CPQ: variants seen among roughly 807,000 people sequenced by gnomAD.
CPQ encodes the protein carboxypeptidase Q.
A neutral mutation model predicts 45.7 loss-of-function variants in CPQ; 37 were observed. The observed-to-expected ratio is 0.81, with a 90% confidence interval of 0.62 to 1.07. The LOEUF (loss-of-function observed/expected upper bound fraction) is 1.07. Ranked by LOEUF, CPQ falls within the 50% of genes least tolerant of loss-of-function variation. The pLI is 0.00. For missense variants in CPQ, 537 were observed against 572.9 expected, an observed-to-expected ratio of 0.94 and a Z score of 0.64; for synonymous variants, 186 against 205.8, an observed-to-expected ratio of 0.90 and a Z score of 0.82.
chr8:96,926,576 C>CTCTTCTTCTTCT (rs60745622), intron 4 of CPQ, among the ~76,000 whole-genome samples: 2,014 of 74,976 alleles, frequency 0.027, 78 homozygotes, highest in South Asian at 0.053. Context: ...CTTCCTCTTC[C>CTCTTCTTCTTCT]TCTTCTTCTT....
intron 1 of CPQ, among the ~76,000 whole-genome samples, chr8:96,673,804 G>A (rs1809036944): frequency 1.3e-5 from 2 of 152,118 alleles, no homozygotes; most frequent in South Asian, 2.1e-4. Flanking sequence ...GCTGTGGGTA[G>A]TGTGAACACT....
At chr8:96,831,226 G>A (rs963727146) in intron 2 of CPQ, among the ~76,000 whole-genome samples, 1 of 151,472 alleles carries the variant, frequency 6.6e-6, no homozygotes, top group Non-Finnish European at 1.5e-5. Context: ...AGTGGGTTAT[G>A]GGTATGTGTG....
intron 2 of CPQ, among the ~76,000 whole-genome samples, chr8:96,822,451 CCTATTTTTAATTTTTTAGCT>C (rs1252855369): frequency 6.6e-6 from 1 of 151,770 alleles, no homozygotes; most frequent in Non-Finnish European, 1.5e-5. Context: ...ATATGGTAGC[CCTATTTTTAATTTTTTAGCT>C]CTATTTTTAA....
chr8:97,099,631 T>A (rs537934806), intron 7 of CPQ, among the ~76,000 whole-genome samples: 1 of 152,240 alleles, frequency 6.6e-6, no homozygotes, highest in East Asian at 1.9e-4. Context: ...AAAGCAGCTC[T>A]AGTTATCCTC....
At chr8:96,968,432 T>G (rs946879613) in intron 5 of CPQ, among the ~76,000 whole-genome samples, 1 of 152,228 alleles carries the variant, frequency 6.6e-6, no homozygotes, top group Non-Finnish European at 1.5e-5. Flanking sequence ...AGGTTCAGCA[T>G]GTGATGTGTA....
intron 7 of CPQ, among the ~76,000 whole-genome samples, chr8:97,070,723 C>G (rs1810726084): frequency 6.6e-6 from 1 of 152,144 alleles, no homozygotes; most frequent in Non-Finnish European, 1.5e-5. Context: ...GTGAATTGCT[C>G]TTCCCTGACA....
chr8:96,825,115 T>C (rs573066010), intron 2 of CPQ, among the ~76,000 whole-genome samples: 1 of 152,150 alleles, frequency 6.6e-6, no homozygotes, highest in East Asian at 1.9e-4. Context: ...GGAATGGCCT[T>C]GCTTGGCTTA....
intron 1 of CPQ, among the ~76,000 whole-genome samples, chr8:96,695,530 C>T (rs961504306): frequency 2.0e-5 from 3 of 152,128 alleles, no homozygotes; most frequent in East Asian, 1.9e-4. Context: ...AAAATTTTCG[C>T]AACCTACTCT....
chr8:97,048,712 G>C lies in CPQ; in HGVS notation c.1054-17297G>C, dbSNP rs551215225. Among the ~76,000 whole-genome samples, 84 of 152,308 alleles carry C rather than the reference G, an allele frequency of 5.5e-4. 1 individual carries two copies. Among genetic ancestry groups the C allele is most frequent in the African/African-American group, 2.0e-3 (82 of 41,574 alleles). On this transcript the variant is annotated intron_variant, in intron 6 of 7. Coordinates refer to ENST00000220763, the MANE Select transcript of CPQ (RefSeq NM_016134.4). ...CTGCCCCTTTTAGAGAGCTTAAGCTGCCAAAGCCTAATACAACAGAGGTGG... is the reference window on the plus strand; with the variant it reads ...CTGCCCCTTTTAGAGAGCTTAAGCTCCCAAAGCCTAATACAACAGAGGTGG...
chr8:97,126,148 T>C (rs1811844221), intron 7 of CPQ, among the ~76,000 whole-genome samples: 1 of 152,142 alleles, frequency 6.6e-6, no homozygotes. Flanking sequence ...TATCCTTGAC[T>C]ACAAAGATCA....
chr8:96,769,005 A>G (rs980314090), intron 1 of CPQ, among the ~76,000 whole-genome samples: 5 of 152,222 alleles, frequency 3.3e-5, no homozygotes, highest in African/African-American at 1.2e-4. Context: ...TTATTGCTGC[A>G]TAGTAATTAA....
intron 5 of CPQ, among the ~76,000 whole-genome samples, chr8:96,975,531 A>AG (rs943393585): frequency 3.3e-5 from 5 of 151,712 alleles, no homozygotes; most frequent in African/African-American, 4.8e-5. Context: ...ACAAAAAAAA[A>AG]AGAGAGAGAG....
At chr8:96,979,506 G>A (rs903382168) in intron 5 of CPQ, among the ~76,000 whole-genome samples, 4 of 152,020 alleles carry the variant, frequency 2.6e-5, no homozygotes, top group African/African-American at 7.3e-5. Context: ...TGTGTTCTTC[G>A]CCTACACGCT....
chr8:96,673,742 A>G (rs1809036501), intron 1 of CPQ, among the ~76,000 whole-genome samples: 1 of 152,184 alleles, frequency 6.6e-6, no homozygotes, highest in African/African-American at 2.4e-5. Context: ...TGAGCAAGAT[A>G]GGGTGCAATC....
intron 6 of CPQ, among the ~76,000 whole-genome samples, chr8:97,042,292 T>C (rs1230053627): frequency 6.6e-6 from 1 of 152,060 alleles, no homozygotes; most frequent in African/African-American, 2.4e-5. Context: ...TGTAGTATTC[T>C]CTGATGGTAG....
chr8:96,762,442 C>T (rs1270267142), intron 1 of CPQ, among the ~76,000 whole-genome samples: 8 of 152,162 alleles, frequency 5.3e-5, no homozygotes, highest in Non-Finnish European at 1.2e-4. Context: ...TTATGTAACA[C>T]ATAGTAGCCT....
intron 7 of CPQ, among the ~76,000 whole-genome samples, chr8:97,096,158 G>T (rs1398210102): frequency 6.6e-6 from 1 of 152,064 alleles, no homozygotes; most frequent in African/African-American, 2.4e-5. Context: ...TCTTATTAAT[G>T]ATTTCATTTA....
intron 4 of CPQ, among the ~76,000 whole-genome samples, chr8:96,933,741 A>T (rs1813006460): frequency 6.6e-6 from 1 of 152,092 alleles, no homozygotes; most frequent in Admixed American, 6.6e-5. Flanking sequence ...AATGTCTTTA[A>T]GTTTCCTGCT....
At position 96,779,165 on chromosome 8, in the gene CPQ, A is replaced by C. The variant is rs185881778; in HGVS notation, c.-34-5699A>C. Among the ~76,000 whole-genome samples the C allele has an allele frequency of 3.7e-3, 566 of 152,210 alleles. 8 individuals carry two copies. The highest frequency in any genetic ancestry group is 0.011 in the Admixed American group (173 of 15,276). The stretch of plus-strand genomic sequence containing the variant: ...GTTATTTTCTGGACATATTTTTTAA[A>C]TAGACTGTGACCTAAGTTCTGGTGG... On this transcript the variant is annotated intron_variant, in intron 1 of 7. Transcript: ENST00000220763.
Sources: allele counts gnomAD v4.1 joint callset (sites outside exome capture counted in the v4.1 genomes callset), GRCh38; gene constraint gnomAD v4.1.1; transcripts MANE v1.5; gene names NCBI Gene and HGNC (gene_info 2026-07-23, HGNC 2026-07-21).